Variants in ENAH observed in about 807,000 individuals in gnomAD.
ENAH encodes the protein ENAH actin regulator, also known as protein enabled homolog.
Under a neutral mutation model 78.7 loss-of-function variants are expected in ENAH, and 23 were observed. The ratio of observed to expected loss-of-function variants is 0.29; its 90% confidence interval spans 0.21 to 0.41. ENAH has a LOEUF of 0.41. Ranked by LOEUF, ENAH falls within the 10% of genes least tolerant of loss-of-function variation. The pLI is 1.00. For synonymous variants in ENAH, 226 were observed against 241.0 expected (o/e 0.94, Z 0.58); for missense variants, 544 against 691.0 (o/e 0.79, Z 2.39).
chr1:225,526,628 C>A (rs907060721), intron 4 of ENAH, among the ~76,000 whole-genome samples: 16 of 151,728 alleles, frequency 1.1e-4, no homozygotes, highest in Admixed American at 2.0e-4. Flanking sequence ...CCACAGCACA[C>A]GCCCTTCTAT....
chr1:225,514,495 A>T (rs2096401868), intron 7 of ENAH, 101 bp downstream of exon 7: 1 of 982,514 alleles, frequency 1.0e-6, no homozygotes, highest in South Asian at 1.4e-5. Flanking sequence ...AAATCAATGA[A>T]GTTCATAACA....
intron 7 of ENAH, among the ~76,000 whole-genome samples, chr1:225,514,165 T>C (rs1180210050): frequency 1.3e-5 from 2 of 152,128 alleles, no homozygotes; most frequent in African/African-American, 4.8e-5. Context: ...AATTTTTAAT[T>C]TTTATTTATT....
intron 2 of ENAH, among the ~76,000 whole-genome samples, chr1:225,561,870 T>G (rs2151473655): frequency 6.6e-6 from 1 of 152,182 alleles, no homozygotes; most frequent in East Asian, 2.0e-4. Flanking sequence ...CCTTGTGACC[T>G]CGCTCACTAT....
intron 1 of ENAH, among the ~76,000 whole-genome samples, chr1:225,648,899 TAAGG>T (rs1662468846): frequency 6.6e-6 from 1 of 151,710 alleles, no homozygotes; most frequent in African/African-American, 2.4e-5. Flanking sequence ...TCAAAGACCC[TAAGG>T]AAGGAAACAC....
At chr1:225,551,620 A>G (rs2096641036) in intron 3 of ENAH, among the ~76,000 whole-genome samples, 1 of 152,188 alleles carries the variant, frequency 6.6e-6, no homozygotes, top group Non-Finnish European at 1.5e-5. Context: ...CTGAACTACC[A>G]AAGATCTCAT....
At chr1:225,570,443 G>C (rs2096755943) in intron 1 of ENAH, among the ~76,000 whole-genome samples, 1 of 151,044 alleles carries the variant, frequency 6.6e-6, no homozygotes, top group Non-Finnish European at 1.5e-5. Context: ...TGGAAAAACT[G>C]TGCCTGCCTC....
At chr1:225,614,319 A>G (rs1293891076) in intron 1 of ENAH, among the ~76,000 whole-genome samples, 1 of 152,188 alleles carries the variant, frequency 6.6e-6, no homozygotes, top group African/African-American at 2.4e-5. Context: ...TCGGCCTCCC[A>G]AAGTGCTGGG....
At chr1:225,555,561 G>A (rs140150277) in intron 2 of ENAH, among the ~76,000 whole-genome samples, 3,828 of 150,160 alleles carry the variant, frequency 0.025, 85 homozygotes, top group East Asian at 0.078. Flanking sequence ...CAGCCTGGGC[G>A]ATAGAGCGAG....
chr1:225,564,556 A>G (rs1039952192), intron 2 of ENAH, among the ~76,000 whole-genome samples: 13 of 151,626 alleles, frequency 8.6e-5, no homozygotes, highest in African/African-American at 2.9e-4. Flanking sequence ...TGGCCTCCCA[A>G]AGTGCTGGGA....
At chr1:225,612,093 C>G (rs931153110) in intron 1 of ENAH, among the ~76,000 whole-genome samples, 1 of 151,996 alleles carries the variant, frequency 6.6e-6, no homozygotes, top group African/African-American at 2.4e-5. Flanking sequence ...GATATATGTC[C>G]GAAAAAACTG....
chr1:225,502,006 C>T (rs1427134733), intron 11 of ENAH, among the ~76,000 whole-genome samples: 2 of 152,130 alleles, frequency 1.3e-5, no homozygotes, highest in African/African-American at 4.8e-5. Context: ...TTATGAGCCA[C>T]AAATAAATGC....
At chr1:225,652,344 G>C in intron 1 of ENAH, 1 of 985,360 alleles carries the variant, frequency 1.0e-6, no homozygotes, top group South Asian at 4.7e-5. Flanking sequence ...CGCACGCTTC[G>C]ATTCTCGAAC....
chr1:225,562,042 C>T (rs1308387087), intron 2 of ENAH, among the ~76,000 whole-genome samples: 3 of 152,216 alleles, frequency 2.0e-5, no homozygotes, highest in East Asian at 3.9e-4. Flanking sequence ...CCTGCCTCAG[C>T]CTCCTGAGTA....
At chr1:225,592,016 A>G (rs1484064622) in intron 1 of ENAH, among the ~76,000 whole-genome samples, 1 of 152,172 alleles carries the variant, frequency 6.6e-6, no homozygotes, top group Non-Finnish European at 1.5e-5. Context: ...AGAGTATAAT[A>G]ATAACAGTAA....
chr1:225,500,911 T>C, intron 12 of ENAH, 81 bp downstream of exon 12: 2 of 1,245,372 alleles, frequency 1.6e-6, no homozygotes, highest in Non-Finnish European at 2.3e-6. Context: ...ACATTCAGGA[T>C]CCATGTCAAA....
chr1:225,652,596 G>C, intron 1 of ENAH, 90 bp downstream of exon 1: 1 of 1,196,852 alleles, frequency 8.4e-7, no homozygotes, highest in Non-Finnish European at 1.1e-6. Context: ...GCGCCGGGCC[G>C]GGAGAGGGAA....
At chr1:225,616,408 A>G (rs1178895341) in intron 1 of ENAH, among the ~76,000 whole-genome samples, 3 of 152,142 alleles carry the variant, frequency 2.0e-5, no homozygotes, top group Non-Finnish European at 2.9e-5. Flanking sequence ...CACTGGTGAC[A>G]ATATGTCAAT....
intron 3 of ENAH, among the ~76,000 whole-genome samples, chr1:225,543,586 C>T (rs2096599557): frequency 6.6e-6 from 1 of 152,176 alleles, no homozygotes; most frequent in African/African-American, 2.4e-5. Flanking sequence ...ATGTTACTTA[C>T]ACTGCCTTGT....
rs138532714 is a variant in ENAH at position 225,538,202 on chromosome 1, A to G, written c.350-7564T>C. ...AGTAATGTCCCCAGGTATTTCTCTC[A>G]TGATTGCAAAGTTCTACGCAATACA... On this transcript the variant is annotated intron_variant, in intron 3 of 13. Transcript: ENST00000366843. Among the ~76,000 whole-genome samples the G allele has an allele frequency of 3.3e-3, 509 of 152,270 alleles. 3 individuals are homozygous for G. The highest frequency in any genetic ancestry group is 3.1e-3 in the Non-Finnish European group (210 of 68,020).
Sources: allele counts gnomAD v4.1 joint callset (sites outside exome capture counted in the v4.1 genomes callset), GRCh38; gene constraint gnomAD v4.1.1; transcripts MANE v1.5; gene names NCBI Gene and HGNC (gene_info 2026-07-23, HGNC 2026-07-21).